THSD4: variants seen among roughly 807,000 people sequenced by gnomAD.
THSD4 encodes the protein thrombospondin type-1 domain-containing protein 4.
Under a neutral mutation model 119.0 loss-of-function variants are expected in THSD4, and 69 were observed. The ratio of observed to expected loss-of-function variants is 0.58; its 90% confidence interval spans 0.48 to 0.71. The LOEUF (loss-of-function observed/expected upper bound fraction) is 0.71, where lower values mean the gene tolerates loss of function less well. THSD4 is among the 30% of genes least tolerant of loss of function. The pLI is 0.00. For synonymous variants in THSD4, 524 were observed against 540.4 expected, an observed-to-expected ratio of 0.97 and a Z score of 0.42; for missense variants, 1,393 against 1,391.1, an observed-to-expected ratio of 1.00 and a Z score of -0.02.
intron 1 of THSD4, among the ~76,000 whole-genome samples, chr15:71,104,832 A>C (rs558142572): frequency 6.6e-6 from 1 of 152,228 alleles, no homozygotes. Flanking sequence ...AACAGAAAAG[A>C]AAGTTTTAAG....
chr15:71,660,015 G>T (rs1304884380), intron 7 of THSD4, among the ~76,000 whole-genome samples: 1 of 142,060 alleles, frequency 7.0e-6, no homozygotes, highest in Non-Finnish European at 1.5e-5. Context: ...GAGGCCTCTA[G>T]AGCCACAGTT....
At chr15:71,385,905 C>A (rs924275984) in intron 6 of THSD4, among the ~76,000 whole-genome samples, 1 of 151,948 alleles carries the variant, frequency 6.6e-6, no homozygotes, top group Non-Finnish European at 1.5e-5. Flanking sequence ...GAGTTTAACA[C>A]CAGGAAACAA....
chr15:71,735,250 G>T (rs1337847282), intron 10 of THSD4, among the ~76,000 whole-genome samples: 1 of 152,130 alleles, frequency 6.6e-6, no homozygotes, highest in Non-Finnish European at 1.5e-5. Context: ...TCAGGTTAGG[G>T]CTCTGCTCCT....
rs1439050781 is a variant in THSD4 at position 71,319,495 on chromosome 15, G to A, written c.1015+62780G>A. Among the ~76,000 whole-genome samples, 7 of 150,606 alleles carry A rather than the reference G, an allele frequency of 4.6e-5. No individual in the cohort carries two copies. The East Asian group carries it at 9.9e-4, about 21-fold the overall frequency. On this transcript the variant is annotated intron_variant, in intron 6 of 17. Coordinates refer to ENST00000261862, the MANE Select transcript of THSD4 (RefSeq NM_024817.3). ...TTCCCACCTGTCAGTGAGAACATGC[G>A]GTGTTCAGTTTTCTGTCCTTGTGAT...
chr15:71,332,166 G>T (rs947309280), intron 6 of THSD4, among the ~76,000 whole-genome samples: 12 of 152,176 alleles, frequency 7.9e-5, no homozygotes, highest in African/African-American at 2.9e-4. Context: ...ACCCCTGCTG[G>T]GTTCCGCTAT....
chr15:71,328,014 A>G (rs946223150), intron 6 of THSD4, among the ~76,000 whole-genome samples: 1 of 152,208 alleles, frequency 6.6e-6, no homozygotes, highest in Non-Finnish European at 1.5e-5. Flanking sequence ...GGACAAAAGT[A>G]AAGCCACCTT....
chr15:71,432,611 C>G (rs1294581153), intron 7 of THSD4, among the ~76,000 whole-genome samples: 1 of 151,162 alleles, frequency 6.6e-6, no homozygotes. Flanking sequence ...AAGAGACAAC[C>G]AAAATTTATT....
intron 16 of THSD4, chr15:71,766,609 CT>C (rs1292494117): frequency 6.6e-6 from 1 of 152,114 alleles, no homozygotes; most frequent in East Asian, 1.9e-4. Flanking sequence ...CTGGCAACTT[CT>C]GGGAAGTGGA....
Position 71,746,940 on chromosome 15 carries a change from G to A in THSD4, c.2139G>A (p.Thr713=), listed in dbSNP as rs764158675. 65 of 1,613,736 alleles carry A rather than the reference G, an allele frequency of 4.0e-5. No individual in the cohort carries two copies. The highest frequency in any genetic ancestry group is 3.3e-4 in the Middle Eastern group (2 of 6,084). ...CRQVYANRSL[T]VQPYRCQHLE... is the part of the protein sequence containing the mutation. ...AGGTGTACGCCAACCGCAGCCTGAC[G>A]GTGCAGCCCTACCGCTGCCAGCACC... is the stretch of plus-strand genomic sequence containing the variant. Residue 713 remains threonine, a synonymous_variant, in exon 13 of 18, where the codon ACG becomes ACA. Transcript: ENST00000261862.
chr15:71,735,806 GTC>G (rs1181247135), intron 10 of THSD4, among the ~76,000 whole-genome samples: 3 of 123,582 alleles, frequency 2.4e-5, no homozygotes, highest in African/African-American at 6.3e-5. Context: ...CTTGCTTTCT[GTC>G]TCTATCTCTC....
At chr15:71,742,993 TG>T (rs1253709209) in intron 11 of THSD4, among the ~76,000 whole-genome samples, 6 of 152,094 alleles carry the variant, frequency 3.9e-5, no homozygotes, top group African/African-American at 1.4e-4. Context: ...AGGTGGAGGT[TG>T]TGGTGAGCAG....
In THSD4 at chr15:71,285,634, T is replaced by A. The variant is rs539156390; in HGVS notation, c.1015+28919T>A. 1.4e-3 allele frequency among the ~76,000 whole-genome samples: 216 copies of A among 152,178 alleles called. 11 individuals are homozygous for A. In the South Asian group the frequency reaches 0.044, roughly 31 times the overall value. On this transcript the variant is annotated intron_variant, in intron 6 of 17. Coordinates refer to ENST00000261862, the MANE Select transcript of THSD4 (RefSeq NM_024817.3). ...ACTTTGGGAGGCCAAGGTGGGTGGA[T>A]CACTAGGTCAGGAGATTGAGACCAG...
chr15:71,463,102 G>C (rs533468415), intron 7 of THSD4, among the ~76,000 whole-genome samples: 1 of 152,202 alleles, frequency 6.6e-6, no homozygotes, highest in African/African-American at 2.4e-5. Flanking sequence ...CATGTCGTTG[G>C]TTTTTTGAAC....
At chr15:71,593,680 G>C (rs1338455916) in intron 7 of THSD4, among the ~76,000 whole-genome samples, 1 of 152,048 alleles carries the variant, frequency 6.6e-6, no homozygotes, top group Non-Finnish European at 1.5e-5. Flanking sequence ...TGGATTACAA[G>C]AGCCCAGGAG....
At chr15:71,653,356 A>G (rs888711051) in intron 7 of THSD4, among the ~76,000 whole-genome samples, 4 of 152,170 alleles carry the variant, frequency 2.6e-5, no homozygotes, top group African/African-American at 9.7e-5. Context: ...TTTCTGGGGA[A>G]TCTGTCATGT....
In THSD4 at chr15:71,734,859, A is replaced by G. The variant is rs569521528; in HGVS notation, c.1631-2873A>G. Among the ~76,000 whole-genome samples, 3 of 151,156 alleles carry G rather than the reference A, an allele frequency of 2.0e-5. 1 individual carries two copies. The East Asian group carries it at 5.8e-4, about 29-fold the overall frequency. ...AAAAAAGTCCACAGCTCCCAACCCC[A>G]TGCCCTTCCCAGAGGGAGTCTAACC... On this transcript the variant is annotated intron_variant, in intron 10 of 17. Transcript: ENST00000261862.
intron 4 of THSD4, among the ~76,000 whole-genome samples, chr15:71,225,959 G>C (rs1477101702): frequency 6.6e-6 from 1 of 151,978 alleles, no homozygotes; most frequent in African/African-American, 2.4e-5. Flanking sequence ...TTTCTTTAAA[G>C]TGTTGTTCAC....
intron 7 of THSD4, among the ~76,000 whole-genome samples, chr15:71,528,186 T>G (rs1256601015): frequency 6.6e-6 from 1 of 152,132 alleles, no homozygotes; most frequent in Non-Finnish European, 1.5e-5. Flanking sequence ...ACAGCTAACT[T>G]GGAAACTCTC....
At chr15:71,470,934 C>T (rs1427954423) in intron 7 of THSD4, among the ~76,000 whole-genome samples, 1 of 152,230 alleles carries the variant, frequency 6.6e-6, no homozygotes, top group East Asian at 1.9e-4. Flanking sequence ...CGCGCCCGGC[C>T]TGAGTGAGGA....
Sources: allele counts gnomAD v4.1 joint callset (sites outside exome capture counted in the v4.1 genomes callset), GRCh38; gene constraint gnomAD v4.1.1; transcripts MANE v1.5; gene names NCBI Gene and HGNC (gene_info 2026-07-23, HGNC 2026-07-21).